GPC5: variants seen among roughly 807,000 people sequenced by gnomAD.
GPC5 encodes glypican-5.
A neutral mutation model predicts 53.9 loss-of-function variants in GPC5; 47 were observed. The observed-to-expected ratio is 0.87, with a 90% CI of 0.69 to 1.11. GPC5 has a LOEUF of 1.11. Among genes scored for constraint, GPC5 ranks in the 50% most tolerant of loss-of-function variants. The pLI is 0.00. For synonymous variants in GPC5, 286 were observed against 263.3 expected, an observed-to-expected ratio of 1.09 and a Z score of -0.84; for missense variants, 748 against 713.1, an observed-to-expected ratio of 1.05 and a Z score of -0.56.
chr13:91,988,567 G>T (rs960633182), intron 6 of GPC5, among the ~76,000 whole-genome samples: 3 of 152,144 alleles, frequency 2.0e-5, no homozygotes, highest in East Asian at 3.9e-4. Flanking sequence ...GCATGCTGTT[G>T]GTAGCAGAGC....
At chr13:92,290,880 G>T (rs2042989442) in intron 7 of GPC5, among the ~76,000 whole-genome samples, 1 of 152,168 alleles carries the variant, frequency 6.6e-6, no homozygotes, top group Non-Finnish European at 1.5e-5. Context: ...TTGCGGGGAG[G>T]TGTGGAGGGA....
At chr13:91,896,203 T>C (rs992523057) in intron 5 of GPC5, among the ~76,000 whole-genome samples, 4 of 146,684 alleles carry the variant, frequency 2.7e-5, no homozygotes, top group Non-Finnish European at 6.0e-5. Context: ...CACTGCAACC[T>C]CCACCTCCCG....
chr13:92,473,329 C>T (rs541011483), intron 7 of GPC5, among the ~76,000 whole-genome samples: 25 of 152,166 alleles, frequency 1.6e-4, no homozygotes, highest in Admixed American at 4.6e-4. Flanking sequence ...TATTTATACT[C>T]GATCACACTG....
At chr13:92,666,170 T>C (rs34864437) in intron 7 of GPC5, among the ~76,000 whole-genome samples, 36,233 of 152,130 alleles carry the variant, frequency 0.24, 5,013 homozygotes, top group South Asian at 0.39. Flanking sequence ...ATTTCATTAT[T>C]TTAGCATAAC....
At chr13:92,057,956 G>A (rs541550108) in intron 6 of GPC5, among the ~76,000 whole-genome samples, 26 of 152,220 alleles carry the variant, frequency 1.7e-4, no homozygotes, top group African/African-American at 5.5e-4. Context: ...TGAAGTTGCA[G>A]GTTAGTTCTG....
At chr13:91,409,391 C>T (rs1156250394) in intron 1 of GPC5, among the ~76,000 whole-genome samples, 3 of 152,138 alleles carry the variant, frequency 2.0e-5, no homozygotes, top group African/African-American at 7.2e-5. Context: ...TTAGGTGAAG[C>T]TATGTGGATC....
intron 2 of GPC5, among the ~76,000 whole-genome samples, chr13:91,672,463 G>A (rs777540170): frequency 2.0e-5 from 3 of 152,022 alleles, no homozygotes; most frequent in Non-Finnish European, 2.9e-5. Context: ...GCATTTACAC[G>A]GTCAACAAAC....
At chr13:91,908,201 A>G in intron 6 of GPC5, 144 bp downstream of exon 6, 1 of 650,260 alleles carries the variant, frequency 1.5e-6, no homozygotes, top group South Asian at 2.5e-5. Context: ...GGACATTTGG[A>G]AATATTTAGT....
intron 2 of GPC5, among the ~76,000 whole-genome samples, chr13:91,655,078 AT>A (rs1248987813): frequency 1.3e-5 from 2 of 152,218 alleles, no homozygotes; most frequent in African/African-American, 4.8e-5. Flanking sequence ...AATGGTCTCC[AT>A]GTATCAGGTA....
chr13:92,817,990 G>C (rs922460420), intron 7 of GPC5, among the ~76,000 whole-genome samples: 10 of 150,812 alleles, frequency 6.6e-5, no homozygotes, highest in African/African-American at 2.4e-4. Flanking sequence ...GTAATGGATG[G>C]ACATCTTGCC....
intron 5 of GPC5, among the ~76,000 whole-genome samples, chr13:91,777,069 C>T (rs193041078): frequency 6.6e-5 from 10 of 152,308 alleles, no homozygotes; most frequent in African/African-American, 2.4e-4. Context: ...TATAAACAAT[C>T]AAATCCTTTC....
At chr13:91,577,805 C>G (rs1309490955) in intron 2 of GPC5, among the ~76,000 whole-genome samples, 1 of 152,164 alleles carries the variant, frequency 6.6e-6, no homozygotes, top group Non-Finnish European at 1.5e-5. Flanking sequence ...CTCCTGACAC[C>G]TCTTACCCTT....
intron 7 of GPC5, among the ~76,000 whole-genome samples, chr13:92,605,585 T>A (rs888982926): frequency 4.8e-4 from 72 of 149,362 alleles, no homozygotes; most frequent in African/African-American, 1.3e-3. Flanking sequence ...AGTTTTTTTT[T>A]TTTTTTTATT....
intron 5 of GPC5, among the ~76,000 whole-genome samples, chr13:91,845,571 A>T (rs2038839590): frequency 6.6e-6 from 1 of 152,168 alleles, no homozygotes; most frequent in African/African-American, 2.4e-5. Context: ...TTAGTCATTT[A>T]ACTTTCATGA....
At chr13:92,106,571 A>G (rs1450482849) in intron 6 of GPC5, among the ~76,000 whole-genome samples, 1 of 152,086 alleles carries the variant, frequency 6.6e-6, no homozygotes, top group Non-Finnish European at 1.5e-5. Flanking sequence ...AAAGTACCTT[A>G]TAGGCTGAGG....
At chr13:92,612,143 GT>G (rs1884458669) in intron 7 of GPC5, among the ~76,000 whole-genome samples, 2 of 152,112 alleles carry the variant, frequency 1.3e-5, no homozygotes, top group South Asian at 4.2e-4. Flanking sequence ...TTGAAGGGAG[GT>G]TAATGTGCAA....
At chr13:92,262,119 C>A (rs532375251) in intron 7 of GPC5, among the ~76,000 whole-genome samples, 1 of 152,220 alleles carries the variant, frequency 6.6e-6, no homozygotes, top group African/African-American at 2.4e-5. Context: ...AGAAGCAAAA[C>A]TTCTCTGCCC....
chr13:92,802,678 G>A (rs1380726908), intron 7 of GPC5, among the ~76,000 whole-genome samples: 1 of 151,660 alleles, frequency 6.6e-6, no homozygotes, highest in Admixed American at 6.6e-5. Context: ...CATTTTTTAT[G>A]GCTGCAAACT....
At chr13:91,728,938 A>T (rs2036635653) in intron 4 of GPC5, among the ~76,000 whole-genome samples, 3 of 152,168 alleles carry the variant, frequency 2.0e-5, no homozygotes, top group Non-Finnish European at 4.4e-5. Context: ...GGCACATGTG[A>T]CATCATACGC....
Sources: gnomAD v4.1 joint callset for allele counts (sites outside exome capture counted in the v4.1 genomes callset) on GRCh38, gnomAD v4.1.1 for gene constraint, MANE v1.5 for transcripts, NCBI Gene and HGNC (gene_info 2026-07-23, HGNC 2026-07-21) for gene names.